Variants in PRKCE observed in about 807,000 individuals in gnomAD.
PRKCE encodes the protein protein kinase C epsilon.
PRKCE carries 16 observed loss-of-function variants against 85.4 expected under a neutral mutation model. That is an observed-to-expected ratio of 0.19 (90% CI 0.13 to 0.28). The LOEUF (loss-of-function observed/expected upper bound fraction) is 0.28. Among genes scored for constraint, PRKCE ranks in the 10% least tolerant of loss-of-function variants. The pLI is 1.00. For synonymous variants in PRKCE, 388 were observed against 371.5 expected, an observed-to-expected ratio of 1.04 and a Z score of -0.51; for missense variants, 573 against 975.2, an observed-to-expected ratio of 0.59 and a Z score of 5.49.
At chr2:45,950,083 T>G (rs993236462) in intron 2 of PRKCE, among the ~76,000 whole-genome samples, 1 of 152,244 alleles carries the variant, frequency 6.6e-6, no homozygotes, top group Non-Finnish European at 1.5e-5. Flanking sequence ...ATTCAAGTTT[T>G]TAATTTCTTT....
Position 46,145,180 on chromosome 2 carries a change from T to C in PRKCE, c.1680T>C (p.Asn560=), listed in dbSNP as rs1174558448. 2.5e-6 allele frequency: 4 copies of C among 1,599,710 alleles called. No individual in the cohort carries two copies. The highest frequency in any genetic ancestry group is 3.4e-6 in the Non-Finnish European group (4 of 1,179,956). Residue 560 remains asparagine (N), a synonymous_variant, in exon 12 of 15, where the codon AAT becomes AAC. Transcript: ENST00000306156. The surrounding 1 kb of genome is among the most constrained non-coding windows in gnomAD (Gnocchi z 4.6). ...DFGMCKEGIL[N]GVTTTTFCGT... The stretch of plus-strand genomic sequence containing the variant: ...GGATGTGCAAGGAAGGGATTCTGAA[T>C]GGTGTGACGACCACCACGTTCTGTG...
chr2:45,877,290 A>G (rs1260371222), intron 2 of PRKCE, among the ~76,000 whole-genome samples: 4 of 152,142 alleles, frequency 2.6e-5, no homozygotes, highest in Non-Finnish European at 4.4e-5. Flanking sequence ...TAATAATAAC[A>G]TATTTAGGTA....
At chr2:45,959,893 A>G (rs1394319890) in intron 2 of PRKCE, among the ~76,000 whole-genome samples, 1 of 152,028 alleles carries the variant, frequency 6.6e-6, no homozygotes, top group African/African-American at 2.4e-5. Context: ...TATGAGTTTT[A>G]ATTTTCCGGG....
At chr2:45,994,677 C>T (rs542968287) in intron 6 of PRKCE, among the ~76,000 whole-genome samples, 58 of 152,222 alleles carry the variant, frequency 3.8e-4, no homozygotes, top group East Asian at 1.9e-4. Context: ...ATAGTTTATC[C>T]GTTCACCTAC....
At chr2:45,805,690 G>A (rs1046290504) in intron 1 of PRKCE, among the ~76,000 whole-genome samples, 7 of 150,706 alleles carry the variant, frequency 4.6e-5, no homozygotes, top group African/African-American at 9.8e-5. Context: ...TCCGCCTCCC[G>A]GGTTAAAGTG....
chr2:46,002,400 C>CCTAGTCT, intron 7 of PRKCE, among the ~76,000 whole-genome samples: 1 of 152,232 alleles, frequency 6.6e-6, no homozygotes, highest in Non-Finnish European at 1.5e-5. Flanking sequence ...GGTACCTCTG[C>CCTAGTCT]AATCTTCCGC....
At chr2:45,683,830 T>C (rs990273602) in intron 1 of PRKCE, among the ~76,000 whole-genome samples, 3 of 152,222 alleles carry the variant, frequency 2.0e-5, no homozygotes, top group African/African-American at 4.8e-5. Context: ...TGGTGGTAGA[T>C]GTTCCTGTTT....
At chr2:45,809,376 G>A (rs779799182) in intron 1 of PRKCE, among the ~76,000 whole-genome samples, 1 of 152,056 alleles carries the variant, frequency 6.6e-6, no homozygotes, top group Non-Finnish European at 1.5e-5. Flanking sequence ...TTTGAGTAAG[G>A]GCTCTGGGGC....
chr2:45,996,231 A>G (rs985872036), intron 6 of PRKCE, among the ~76,000 whole-genome samples: 5 of 152,158 alleles, frequency 3.3e-5, no homozygotes, highest in Non-Finnish European at 7.4e-5. Flanking sequence ...GGCTATAATC[A>G]TTATTGGTTC....
At chr2:45,755,891 C>G (rs1683962208) in intron 1 of PRKCE, among the ~76,000 whole-genome samples, 1 of 152,124 alleles carries the variant, frequency 6.6e-6, no homozygotes, top group Non-Finnish European at 1.5e-5. Context: ...TTAAAGGCAG[C>G]TGGAACTGGT....
At chr2:45,927,130 G>A (rs1698684452) in intron 2 of PRKCE, among the ~76,000 whole-genome samples, 2 of 152,090 alleles carry the variant, frequency 1.3e-5, no homozygotes, top group Admixed American at 1.3e-4. Context: ...ATGTGTATAT[G>A]TGCATGCATG....
intron 1 of PRKCE, among the ~76,000 whole-genome samples, chr2:45,823,541 A>G (rs1329417487): frequency 6.6e-6 from 1 of 152,226 alleles, no homozygotes; most frequent in Non-Finnish European, 1.5e-5. Flanking sequence ...ATTGGGTACC[A>G]GGGGATGTGT....
At chr2:45,954,438 T>A (rs1700836542) in intron 2 of PRKCE, among the ~76,000 whole-genome samples, 1 of 152,220 alleles carries the variant, frequency 6.6e-6, no homozygotes, top group Non-Finnish European at 1.5e-5. Context: ...GGAAATGTGA[T>A]ATGAGACTCT....
chr2:45,704,579 A>G (rs1678949593), intron 1 of PRKCE, among the ~76,000 whole-genome samples: 1 of 152,180 alleles, frequency 6.6e-6, no homozygotes, highest in South Asian at 2.1e-4. Context: ...GATTCCTAAT[A>G]TTAACTCTGC....
intron 2 of PRKCE, among the ~76,000 whole-genome samples, chr2:45,961,058 T>C (rs1462928680): frequency 6.6e-6 from 1 of 152,220 alleles, no homozygotes; most frequent in Non-Finnish European, 1.5e-5. Flanking sequence ...TTAGCGTCTC[T>C]GAATTCCCAG....
At chr2:45,850,981 C>T (rs192241095) in intron 2 of PRKCE, among the ~76,000 whole-genome samples, 173 of 152,298 alleles carry the variant, frequency 1.1e-3, no homozygotes, top group Non-Finnish European at 3.2e-4. Context: ...AAGCAATAGA[C>T]CAGTAAGCAT....
chr2:45,770,746 G>A (rs568350695), intron 1 of PRKCE: 1 of 152,284 alleles, frequency 6.6e-6, no homozygotes, highest in South Asian at 2.1e-4. Context: ...ACCAGTACTG[G>A]CCCCATCTGC....
chr2:45,666,161 T>C (rs906080727), intron 1 of PRKCE, among the ~76,000 whole-genome samples: 7 of 152,154 alleles, frequency 4.6e-5, no homozygotes, highest in African/African-American at 7.2e-5. Flanking sequence ...TTTTAAAAAA[T>C]ATTTCCTTCG....
chr2:46,101,322 TAC>T (rs1671199359), intron 11 of PRKCE, among the ~76,000 whole-genome samples: 1 of 152,168 alleles, frequency 6.6e-6, no homozygotes, highest in African/African-American at 2.4e-5. Context: ...ATTACAGGGA[TAC>T]CTCAGCCAGT....
Sources: allele counts gnomAD v4.1 joint callset (sites outside exome capture counted in the v4.1 genomes callset), GRCh38; gene constraint gnomAD v4.1.1; non-coding constraint Gnocchi (gnomAD v3.1); transcripts MANE v1.5; gene names NCBI Gene and HGNC (gene_info 2026-07-23, HGNC 2026-07-21).